Variants in MINDY3 observed in about 807,000 individuals in gnomAD.
MINDY3 encodes ubiquitin carboxyl-terminal hydrolase MINDY-3.
MINDY3 carries 38 observed loss-of-function variants against 69.2 expected under a neutral mutation model. The ratio of observed to expected loss-of-function variants is 0.55; its 90% CI spans 0.42 to 0.72. The LOEUF is 0.72. MINDY3 is among the 30% of genes least tolerant of loss of function. The pLI is 0.00. For missense variants in MINDY3, 522 were observed against 519.0 expected, an observed-to-expected ratio of 1.01 and a Z score of -0.06; for synonymous variants, 192 against 180.1, an observed-to-expected ratio of 1.07 and a Z score of -0.53.
chr10:15,822,843 A>T (rs1416813102), intron 8 of MINDY3, among the ~76,000 whole-genome samples: 1 of 152,124 alleles, frequency 6.6e-6, no homozygotes, highest in Non-Finnish European at 1.5e-5. Flanking sequence ...AAAATGTGAT[A>T]ATAATAAAGT....
intron 10 of MINDY3, among the ~76,000 whole-genome samples, chr10:15,804,267 T>C (rs769255179): frequency 2.6e-5 from 4 of 152,038 alleles, no homozygotes; most frequent in Non-Finnish European, 5.9e-5. Context: ...AAGCTGTTAA[T>C]GGGACTATCT....
At chr10:15,801,347 T>C (rs957427592) in intron 10 of MINDY3, among the ~76,000 whole-genome samples, 1 of 152,064 alleles carries the variant, frequency 6.6e-6, no homozygotes, top group Non-Finnish European at 1.5e-5. Flanking sequence ...AGGGAAAAGA[T>C]AACACCAGCT....
chr10:15,820,682 A>G (rs1161532244), intron 9 of MINDY3, among the ~76,000 whole-genome samples: 1 of 152,254 alleles, frequency 6.6e-6, no homozygotes, highest in Non-Finnish European at 1.5e-5. Flanking sequence ...TATCATATGC[A>G]TATCACCCAG....
At chr10:15,797,165 T>A (rs1837901549) in intron 10 of MINDY3, among the ~76,000 whole-genome samples, 2 of 152,072 alleles carry the variant, frequency 1.3e-5, no homozygotes, top group African/African-American at 4.8e-5. Flanking sequence ...GTGAAGAAAC[T>A]AAGAATCAGA....
intron 1 of MINDY3, among the ~76,000 whole-genome samples, chr10:15,853,825 C>A (rs116310848): frequency 0.035 from 5,332 of 151,524 alleles, 279 homozygotes; most frequent in African/African-American, 0.12. Context: ...CTGACATTTT[C>A]TCAAAAATAA....
At chr10:15,820,724 T>C (rs576165355) in intron 9 of MINDY3, among the ~76,000 whole-genome samples, 2 of 152,276 alleles carry the variant, frequency 1.3e-5, no homozygotes, top group East Asian at 3.9e-4. Context: ...AGGAACGCTG[T>C]CTGACGAAAA....
chr10:15,789,433 C>T, intron 11 of MINDY3, 114 bp from the exon 12 acceptor site: 2 of 685,502 alleles, frequency 2.9e-6, no homozygotes, highest in Non-Finnish European at 5.0e-6. Flanking sequence ...AAAGAGTTAA[C>T]ATACTATTCC....
At chr10:15,838,691 T>C (rs1170589302) in intron 4 of MINDY3, among the ~76,000 whole-genome samples, 1 of 151,716 alleles carries the variant, frequency 6.6e-6, no homozygotes, top group Non-Finnish European at 1.5e-5. Flanking sequence ...GTTTAAGGCT[T>C]AATTATTAAA....
intron 10 of MINDY3, among the ~76,000 whole-genome samples, chr10:15,803,628 A>G (rs1162874196): frequency 6.6e-6 from 1 of 152,190 alleles, no homozygotes; most frequent in Non-Finnish European, 1.5e-5. Context: ...ACTATACATA[A>G]AACCATAATT....
At chr10:15,818,920 T>C (rs1839561045) in intron 9 of MINDY3, among the ~76,000 whole-genome samples, 1 of 152,148 alleles carries the variant, frequency 6.6e-6, no homozygotes, top group Non-Finnish European at 1.5e-5. Flanking sequence ...AATGGTTGCA[T>C]TGCATCGTGA....
At chr10:15,851,543 AC>A (rs1241544166) in intron 1 of MINDY3, among the ~76,000 whole-genome samples, 2 of 151,722 alleles carry the variant, frequency 1.3e-5, no homozygotes, top group Non-Finnish European at 2.9e-5. Flanking sequence ...ACTCAAACTT[AC>A]CTATAGGTTT....
At chr10:15,831,702 G>A (rs2132047555) in intron 8 of MINDY3, among the ~76,000 whole-genome samples, 1 of 141,110 alleles carries the variant, frequency 7.1e-6, no homozygotes, top group African/African-American at 2.8e-5. Flanking sequence ...TTGAGATGGA[G>A]TCTCGCTCTA....
At chr10:15,849,057 A>T (rs1834078278) in intron 1 of MINDY3, among the ~76,000 whole-genome samples, 1 of 152,206 alleles carries the variant, frequency 6.6e-6, no homozygotes, top group Non-Finnish European at 1.5e-5. Context: ...AGAGACATAC[A>T]AACAGATAAT....
chr10:15,841,392 GA>G (rs769421224), intron 4 of MINDY3, 33 bp downstream of exon 4: 94 of 1,548,156 alleles, frequency 6.1e-5, no homozygotes, highest in Middle Eastern at 5.1e-4. Context: ...AAAGGAACAA[GA>G]AAAAAACTTC....
intron 14 of MINDY3, among the ~76,000 whole-genome samples, chr10:15,780,486 AAG>A (rs1402330054): frequency 6.6e-6 from 1 of 152,176 alleles, no homozygotes; most frequent in East Asian, 1.9e-4. Flanking sequence ...ATTTTTCACA[AAG>A]AACTTCATGT....
rs141090298 is a variant in MINDY3, at chr10:15,814,111, G to C, written c.882+2724C>G. ...AATTTTAAGAAGAGCGAAATTTCCAGTATTTTTTATGTGGTGAAGACTATA... is the reference window on the plus strand; with the variant it reads ...AATTTTAAGAAGAGCGAAATTTCCACTATTTTTTATGTGGTGAAGACTATA... On this transcript the variant is annotated intron_variant, in intron 10 of 14. Coordinates refer to ENST00000277632, the MANE Select transcript of MINDY3 (RefSeq NM_024948.4). Among the ~76,000 whole-genome samples the C allele has an allele frequency of 3.3e-3, 500 of 152,186 alleles. 3 individuals carry two copies. The highest frequency in any genetic ancestry group is 0.011 in the African/African-American group (476 of 41,520).
At chr10:15,828,670 C>T (rs144496621) in intron 8 of MINDY3, among the ~76,000 whole-genome samples, 24 of 151,540 alleles carry the variant, frequency 1.6e-4, no homozygotes, top group African/African-American at 5.6e-4. Context: ...TAAGGAAAGA[C>T]GTATATACAA....
intron 10 of MINDY3, among the ~76,000 whole-genome samples, chr10:15,798,278 A>AT (rs1837984710): frequency 6.6e-6 from 1 of 152,084 alleles, no homozygotes; most frequent in Non-Finnish European, 1.5e-5. Context: ...GCGTTACTTC[A>AT]ATATTGCTAC....
chr10:15,833,232 A>T (rs1214772502), intron 8 of MINDY3, among the ~76,000 whole-genome samples: 1 of 152,234 alleles, frequency 6.6e-6, no homozygotes, highest in Non-Finnish European at 1.5e-5. Flanking sequence ...TACGCACATT[A>T]AAAGTAATAT....
Sources: gnomAD v4.1 joint callset for allele counts (sites outside exome capture counted in the v4.1 genomes callset) on GRCh38, gnomAD v4.1.1 for gene constraint, MANE v1.5 for transcripts, NCBI Gene and HGNC (gene_info 2026-07-23, HGNC 2026-07-21) for gene names.